TBC1D15: variants seen among roughly 807,000 people sequenced by gnomAD.
TBC1D15 encodes TBC1 domain family member 15, also known as GAP for RAB7.
Under a neutral mutation model 95.4 loss-of-function variants are expected in TBC1D15, and 39 were observed. That is an observed-to-expected ratio of 0.41 (90% CI 0.32 to 0.53). The LOEUF is 0.53. Among genes scored for constraint, TBC1D15 ranks in the 20% least tolerant of loss-of-function variants. TBC1D15 has a pLI of 0.29. For synonymous variants in TBC1D15, 258 were observed against 261.3 expected (o/e 0.99, Z 0.12); for missense variants, 733 against 794.3 (o/e 0.92, Z 0.93).
rs147739820 is a variant in TBC1D15, at chr12:71,894,877, C to T, written c.849C>T (p.Ile283=). The change falls in exon 7 of 17, where the codon ATC becomes ATT. Residue 283 remains isoleucine (I), a synonymous_variant. Coordinates refer to ENST00000485960, the MANE Select transcript of TBC1D15 (RefSeq NM_001146213.3). The part of the protein sequence containing the change: ...NQQEEPGFEV[I]TRIDLGERPV... The stretch of plus-strand genomic sequence containing the variant: ...AAGAAGAACCAGGATTTGAAGTCAT[C>T]ACAAGAGTGAGTAAAGATTAGTATT... 7.8e-5 allele frequency: 125 copies of T among 1,611,802 alleles called. 2 individuals carry two copies. Among genetic ancestry groups the T allele is most frequent in the East Asian group, 4.2e-4 (19 of 44,848 alleles).
chr12:71,918,373 A>G (rs1904198843), intron 13 of TBC1D15, 78 bp from the exon 14 acceptor site: 2 of 902,098 alleles, frequency 2.2e-6, no homozygotes, highest in Non-Finnish European at 3.4e-6. Flanking sequence ...ATGCATAGGA[A>G]AGTTAGAGAA....
At chr12:71,894,514 A>T in intron 6 of TBC1D15, 172 bp from the exon 7 acceptor site, 1 of 1,198,348 alleles carries the variant, frequency 8.3e-7, no homozygotes, top group Admixed American at 2.6e-5. Flanking sequence ...GGCTTAGAAA[A>T]TTTAAATTTT....
chr12:71,853,391 G>A (rs1198895988), intron 1 of TBC1D15, among the ~76,000 whole-genome samples: 1 of 152,116 alleles, frequency 6.6e-6, no homozygotes, highest in Admixed American at 6.5e-5. Context: ...ATTTGGGCAG[G>A]GACACAGATC....
chr12:71,900,741 A>AGT (rs1186125594), intron 10 of TBC1D15, among the ~76,000 whole-genome samples: 1 of 152,188 alleles, frequency 6.6e-6, no homozygotes, highest in Non-Finnish European at 1.5e-5. Context: ...GTGGTATGTT[A>AGT]GTGATACATG....
intron 4 of TBC1D15, among the ~76,000 whole-genome samples, chr12:71,884,606 A>T (rs2138534175): frequency 6.6e-6 from 1 of 152,262 alleles, no homozygotes; most frequent in Admixed American, 6.5e-5. Flanking sequence ...AAACATTTAT[A>T]TGTGGTAGGA....
At chr12:71,874,843 G>T (rs546903162) in intron 3 of TBC1D15, among the ~76,000 whole-genome samples, 1 of 151,676 alleles carries the variant, frequency 6.6e-6, no homozygotes, top group Admixed American at 6.6e-5. Context: ...GGCTAGTCTC[G>T]AACTCCTGAC....
At chr12:71,846,619 T>G (rs1592682944) in intron 1 of TBC1D15, among the ~76,000 whole-genome samples, 1 of 152,196 alleles carries the variant, frequency 6.6e-6, no homozygotes, top group Non-Finnish European at 1.5e-5. Context: ...AGGGTATGAT[T>G]GTTAATTTTT....
chr12:71,911,514 A>G (rs546296079), intron 11 of TBC1D15, among the ~76,000 whole-genome samples: 109 of 151,400 alleles, frequency 7.2e-4, no homozygotes, highest in Admixed American at 1.5e-3. Context: ...TCAGTAAACT[A>G]TCGCAAGGAC....
chr12:71,921,557 G>C (rs1218728751), intron 16 of TBC1D15, 103 bp downstream of exon 16: 5 of 591,804 alleles, frequency 8.4e-6, no homozygotes, highest in Non-Finnish European at 1.4e-5. Flanking sequence ...TTAGTAAGCT[G>C]AGGGCAGGCA....
At chr12:71,912,143 C>T (rs1306255545) in intron 11 of TBC1D15, among the ~76,000 whole-genome samples, 1 of 152,108 alleles carries the variant, frequency 6.6e-6, no homozygotes, top group Non-Finnish European at 1.5e-5. Flanking sequence ...TCATTGATTT[C>T]ACTGTGTCAG....
At chr12:71,869,019 A>T (rs771884537) in intron 1 of TBC1D15, 5 of 152,200 alleles carry the variant, frequency 3.3e-5, no homozygotes, top group Admixed American at 6.5e-5. Context: ...GGTTTACAAC[A>T]TATTATGGGA....
At chr12:71,895,295 T>G (rs1897947984) in intron 7 of TBC1D15, among the ~76,000 whole-genome samples, 1 of 152,098 alleles carries the variant, frequency 6.6e-6, no homozygotes, top group Non-Finnish European at 1.5e-5. Flanking sequence ...AAGATGGGTT[T>G]TGGCCTGAAT....
chr12:71,890,473 T>C (rs1897017566), intron 5 of TBC1D15, among the ~76,000 whole-genome samples: 1 of 152,186 alleles, frequency 6.6e-6, no homozygotes, highest in Non-Finnish European at 1.5e-5. Context: ...AATTGAGGAA[T>C]GTGGCTTGCA....
intron 6 of TBC1D15, chr12:71,894,387 G>C (rs765533522): frequency 1.2e-6 from 2 of 1,612,462 alleles, no homozygotes; most frequent in Non-Finnish European, 1.7e-6. Flanking sequence ...TAAGCACTGC[G>C]TATGTTTTCT....
At position 71,913,546 on chromosome 12, in the gene TBC1D15, A is replaced by T. The variant is rs1450928232; in HGVS notation, c.1301-280A>T. 7 of 273,244 alleles carry T rather than the reference A, an allele frequency of 2.6e-5. No homozygotes were observed. In the South Asian group the frequency reaches 2.8e-4, roughly 11 times the overall value. 16.9% of individuals were successfully genotyped at this position (273,244 alleles called of 1,614,324 possible). On this transcript the variant is annotated intron_variant, in intron 11 of 16. Transcript: ENST00000485960. ...CATGATGCTCTTGCACATTATTTTT[A>T]AAAATATTACCCACTCTTGATAGTG... is the stretch of plus-strand genomic sequence containing the variant.
chr12:71,916,112 A>G (rs1421789010), intron 12 of TBC1D15, among the ~76,000 whole-genome samples: 1 of 152,122 alleles, frequency 6.6e-6, no homozygotes, highest in Non-Finnish European at 1.5e-5. Context: ...TGTTATACCC[A>G]TCATCCATTT....
chr12:71,905,346 G>A (rs1258784076), intron 10 of TBC1D15, among the ~76,000 whole-genome samples: 1 of 151,952 alleles, frequency 6.6e-6, no homozygotes, highest in Non-Finnish European at 1.5e-5. Flanking sequence ...TTCTTTTTGA[G>A]TCGGGGTCTC....
chr12:71,867,727 AG>A (rs1891788718), intron 1 of TBC1D15, among the ~76,000 whole-genome samples: 1 of 152,168 alleles, frequency 6.6e-6, no homozygotes. Context: ...GGGCTCAAGC[AG>A]TCCTCTCATT....
At chr12:71,894,347 A>G in intron 6 of TBC1D15, 1 of 1,612,964 alleles carries the variant, frequency 6.2e-7, no homozygotes, top group Non-Finnish European at 8.5e-7. Context: ...GACAGAAGAA[A>G]GCTGTTGTGG....
Sources: allele counts gnomAD v4.1 joint callset (sites outside exome capture counted in the v4.1 genomes callset), GRCh38; gene constraint gnomAD v4.1.1; transcripts MANE v1.5; gene names NCBI Gene and HGNC (gene_info 2026-07-23, HGNC 2026-07-21).